Variants in EDIL3 observed in about 807,000 individuals in gnomAD.
EDIL3 encodes the protein EGF-like repeat and discoidin I-like domain-containing protein 3.
EDIL3 carries 37 observed loss-of-function variants against 67.4 expected under a neutral mutation model. The ratio of observed to expected loss-of-function variants is 0.55; its 90% CI spans 0.42 to 0.72. The LOEUF (loss-of-function observed/expected upper bound fraction) is 0.72. EDIL3 is among the 30% of genes least tolerant of loss of function. The pLI is 0.00. For missense variants in EDIL3, 527 were observed against 586.3 expected (o/e 0.90, Z 1.04); for synonymous variants, 195 against 196.3 (o/e 0.99, Z 0.05).
At chr5:83,990,901 A>C (rs1185117004) in intron 9 of EDIL3, among the ~76,000 whole-genome samples, 4 of 149,770 alleles carry the variant, frequency 2.7e-5, no homozygotes, top group Non-Finnish European at 5.9e-5. Flanking sequence ...AAATAAATAA[A>C]TAAATAAATA....
chr5:84,296,048 CTATT>C (rs143435044), intron 1 of EDIL3, among the ~76,000 whole-genome samples: 1,531 of 152,252 alleles, frequency 0.01, 24 homozygotes, highest in African/African-American at 0.035. Flanking sequence ...GTTACTATCT[CTATT>C]TGTTGTTATA....
At chr5:84,196,595 T>C (rs754747497) in intron 3 of EDIL3, among the ~76,000 whole-genome samples, 14 of 152,028 alleles carry the variant, frequency 9.2e-5, no homozygotes, top group African/African-American at 2.9e-4. Context: ...TGTGAGGACA[T>C]AGAACTTTGT....
chr5:84,044,611 C>G (rs959805581), intron 9 of EDIL3, among the ~76,000 whole-genome samples: 1 of 152,076 alleles, frequency 6.6e-6, no homozygotes, highest in African/African-American at 2.4e-5. Flanking sequence ...ACCCAAATCT[C>G]GTAGTGGAAC....
At chr5:84,024,909 C>T (rs968475173) in intron 9 of EDIL3, among the ~76,000 whole-genome samples, 4 of 151,842 alleles carry the variant, frequency 2.6e-5, no homozygotes, top group African/African-American at 4.8e-5. Context: ...TAAGAGCCAA[C>T]ATGACAACGC....
chr5:84,235,510 T>C (rs1051416956), intron 2 of EDIL3, among the ~76,000 whole-genome samples: 2 of 152,064 alleles, frequency 1.3e-5, no homozygotes, highest in African/African-American at 4.8e-5. Context: ...CATGTAAACA[T>C]ATATTGAATT....
At chr5:83,963,463 A>T in intron 9 of EDIL3, 103 bp from the exon 10 acceptor site, 1 of 1,261,634 alleles carries the variant, frequency 7.9e-7, no homozygotes, top group South Asian at 1.8e-5. Flanking sequence ...CCTAAAATCA[A>T]AAATCTGTCT....
chr5:84,293,621 T>C (rs1178897832), intron 1 of EDIL3, among the ~76,000 whole-genome samples: 2 of 151,982 alleles, frequency 1.3e-5, no homozygotes, highest in South Asian at 2.1e-4. Context: ...CTACAGTATT[T>C]AGGGATACAT....
At chr5:84,053,390 A>T (rs367744961) in intron 9 of EDIL3, among the ~76,000 whole-genome samples, 2 of 152,064 alleles carry the variant, frequency 1.3e-5, no homozygotes, top group African/African-American at 2.4e-5. Flanking sequence ...AACATCACAA[A>T]TAAAAGAACT....
At chr5:83,990,602 C>A (rs536624963) in intron 9 of EDIL3, among the ~76,000 whole-genome samples, 1 of 151,456 alleles carries the variant, frequency 6.6e-6, no homozygotes, top group Admixed American at 6.6e-5. Flanking sequence ...ATGGGTTGGC[C>A]GGGCACGGTG....
intron 1 of EDIL3, among the ~76,000 whole-genome samples, chr5:84,370,701 A>G (rs1476776868): frequency 5.9e-5 from 9 of 152,328 alleles, no homozygotes; most frequent in Admixed American, 5.9e-4. Context: ...TTAGACAGCT[A>G]TGGAAACAGT....
intron 9 of EDIL3, among the ~76,000 whole-genome samples, chr5:83,963,750 T>C (rs1204632442): frequency 6.6e-6 from 1 of 151,480 alleles, no homozygotes; most frequent in Admixed American, 6.6e-5. Context: ...TACTTATAGT[T>C]CAATTTTCTG....
intron 1 of EDIL3, among the ~76,000 whole-genome samples, chr5:84,327,973 G>A (rs1746796758): frequency 6.6e-6 from 1 of 151,922 alleles, no homozygotes; most frequent in Non-Finnish European, 1.5e-5. Context: ...AAGGTAGTCT[G>A]TATCATTTTG....
At chr5:84,067,204 T>C (rs1234877506) in intron 6 of EDIL3, among the ~76,000 whole-genome samples, 1 of 152,216 alleles carries the variant, frequency 6.6e-6, no homozygotes, top group Non-Finnish European at 1.5e-5. Flanking sequence ...TTTTTCTTCA[T>C]TTTATTATAA....
At chr5:83,961,558 T>A (rs1007065507) in intron 10 of EDIL3, among the ~76,000 whole-genome samples, 1 of 151,254 alleles carries the variant, frequency 6.6e-6, no homozygotes, top group African/African-American at 2.4e-5. Context: ...CCTAAACTAA[T>A]CTATATAAAG....
intron 1 of EDIL3, among the ~76,000 whole-genome samples, chr5:84,365,833 G>A (rs1295482125): frequency 6.6e-6 from 1 of 152,024 alleles, no homozygotes; most frequent in Non-Finnish European, 1.5e-5. Flanking sequence ...GTTTATTGAG[G>A]ACCTGTATTG....
intron 1 of EDIL3, among the ~76,000 whole-genome samples, chr5:84,330,932 G>C (rs965132041): frequency 2.0e-5 from 3 of 152,164 alleles, no homozygotes; most frequent in Non-Finnish European, 4.4e-5. Flanking sequence ...GCCCAAGGCC[G>C]TGAGACCTTA....
At chr5:84,092,942 A>G (rs953659085) in intron 6 of EDIL3, among the ~76,000 whole-genome samples, 4 of 152,170 alleles carry the variant, frequency 2.6e-5, no homozygotes, top group Non-Finnish European at 2.9e-5. Context: ...AGTGGTTTGC[A>G]GTGATTATGG....
At chr5:84,189,984 C>T (rs762114197) in intron 3 of EDIL3, among the ~76,000 whole-genome samples, 15 of 151,834 alleles carry the variant, frequency 9.9e-5, no homozygotes, top group Admixed American at 3.9e-4. Flanking sequence ...TTAGTGAATA[C>T]CATATGAAAT....
intron 1 of EDIL3, among the ~76,000 whole-genome samples, chr5:84,376,878 G>C (rs557281836): frequency 6.6e-6 from 1 of 152,158 alleles, no homozygotes; most frequent in African/African-American, 2.4e-5. Context: ...AAAGCACTGC[G>C]AATGGTAATT....
Sources: allele counts gnomAD v4.1 joint callset (sites outside exome capture counted in the v4.1 genomes callset), GRCh38; gene constraint gnomAD v4.1.1; transcripts MANE v1.5; gene names NCBI Gene and HGNC (gene_info 2026-07-23, HGNC 2026-07-21).